ARNT2: variants seen among roughly 807,000 people sequenced by gnomAD.
ARNT2 encodes aryl hydrocarbon receptor nuclear translocator 2, also known as ARNT protein 2.
A neutral mutation model predicts 91.7 loss-of-function variants in ARNT2; 36 were observed. The observed-to-expected ratio is 0.39, with a 90% confidence interval of 0.30 to 0.52. The LOEUF (loss-of-function observed/expected upper bound fraction) is 0.52, where lower values mean the gene tolerates loss of function less well. ARNT2 is among the 20% of genes least tolerant of loss of function. The pLI is 0.72. For missense variants in ARNT2, 775 were observed against 939.3 expected (o/e 0.83, Z 2.29); for synonymous variants, 365 against 347.1 (o/e 1.05, Z -0.57).
chr15:80,582,383 C>T lies in ARNT2; in HGVS notation c.1918+979C>T, dbSNP rs185352175. On this transcript the variant is annotated intron_variant, in intron 17 of 18. Coordinates refer to ENST00000303329, the MANE Select transcript of ARNT2 (RefSeq NM_014862.4). The stretch of plus-strand genomic sequence containing the variant: ...TTGTGGTGCATGCCTGTAATTCCAG[C>T]TACTCAGGAGGCTAAGGTGGGAGGA... Among the ~76,000 whole-genome samples, 447 of 151,344 alleles carry T rather than the reference C, an allele frequency of 3.0e-3. 3 individuals carry two copies. Among genetic ancestry groups the T allele is most frequent in the African/African-American group, 0.01 (428 of 41,282 alleles).
At chr15:80,525,146 A>G (rs763099104) in intron 8 of ARNT2, among the ~76,000 whole-genome samples, 2 of 152,162 alleles carry the variant, frequency 1.3e-5, no homozygotes, top group African/African-American at 2.4e-5. Flanking sequence ...ATCAATCTAA[A>G]TTTTCTAAAG....
intron 1 of ARNT2, among the ~76,000 whole-genome samples, chr15:80,420,455 A>C (rs1895846653): frequency 6.6e-6 from 1 of 152,162 alleles, no homozygotes; most frequent in Non-Finnish European, 1.5e-5. Context: ...TGTTTAAGGT[A>C]GGCTAAGCTA....
At chr15:80,441,065 A>C (rs1896180416) in intron 1 of ARNT2, among the ~76,000 whole-genome samples, 2 of 152,254 alleles carry the variant, frequency 1.3e-5, no homozygotes, top group South Asian at 2.1e-4. Flanking sequence ...TTTGGATAAG[A>C]ATCTAGATTT....
At chr15:80,572,001 G>C (rs1423056573) in intron 12 of ARNT2, among the ~76,000 whole-genome samples, 5 of 152,142 alleles carry the variant, frequency 3.3e-5, no homozygotes. Context: ...TCCATTTATG[G>C]CCACACCTGT....
intron 18 of ARNT2, among the ~76,000 whole-genome samples, chr15:80,593,363 G>A (rs1291008725): frequency 6.6e-6 from 1 of 152,244 alleles, no homozygotes. Flanking sequence ...TAGACAAAGG[G>A]CATGTCCTAA....
chr15:80,427,648 C>T (rs1461521832), intron 1 of ARNT2, among the ~76,000 whole-genome samples: 1 of 152,218 alleles, frequency 6.6e-6, no homozygotes, highest in African/African-American at 2.4e-5. Flanking sequence ...TAGAATCACA[C>T]ACTCTTGAAA....
At chr15:80,448,403 C>T (rs1896336724) in intron 1 of ARNT2, among the ~76,000 whole-genome samples, 1 of 152,210 alleles carries the variant, frequency 6.6e-6, no homozygotes, top group Non-Finnish European at 1.5e-5. Context: ...CCACGCAGGT[C>T]ATCTAATCTC....
Position 80,441,318 on chromosome 15 carries a change from A to G in ARNT2, c.32-9562A>G, listed in dbSNP as rs184093536. On this transcript the variant is annotated intron_variant, in intron 1 of 18. Transcript: ENST00000303329. ...GACATTTCTTCTACACGGATAACAGATTCTCCTAAGAAGGTGTTGGTCACA... is the reference window on the plus strand; with the variant it reads ...GACATTTCTTCTACACGGATAACAGGTTCTCCTAAGAAGGTGTTGGTCACA... 192 of 985,142 alleles carry G rather than the reference A, an allele frequency of 1.9e-4. No homozygotes were observed. The African/African-American group carries it at 3.2e-3, about 16-fold the overall frequency. 61.0% of individuals were successfully genotyped at this position (985,142 alleles called of 1,614,324 possible).
chr15:80,504,420 A>G (rs1034764944), intron 5 of ARNT2, among the ~76,000 whole-genome samples: 4 of 152,214 alleles, frequency 2.6e-5, no homozygotes, highest in Non-Finnish European at 4.4e-5. Context: ...TGTCCGGGCT[A>G]AATGAATATT....
At chr15:80,530,386 G>A (rs1158975237) in intron 8 of ARNT2, among the ~76,000 whole-genome samples, 2 of 152,078 alleles carry the variant, frequency 1.3e-5, no homozygotes, top group African/African-American at 4.8e-5. Flanking sequence ...GGGAGGGAGG[G>A]ATAGAGATCT....
chr15:80,462,245 C>T (rs962238738), intron 3 of ARNT2, among the ~76,000 whole-genome samples: 1 of 152,106 alleles, frequency 6.6e-6, no homozygotes, highest in African/African-American at 2.4e-5. Context: ...CTTCTCATAC[C>T]GGCAGCTGGG....
rs1462748399 is a variant in ARNT2 at position 80,581,275 on chromosome 15, C to A, written c.1789C>A (p.Pro597Thr). The A allele has an allele frequency of 6.2e-7, 1 of 1,614,066 alleles. No individual in the cohort carries two copies. Among genetic ancestry groups the A allele is most frequent in the African/African-American group, 1.3e-5 (1 of 74,914 alleles). Reference sequence around the variant, plus strand: ...TCAGTCCAGCAAGACTCAGTCATCTCCCTTTGGGATTGGAACGAGCCACAC... The same window carrying A: ...TCAGTCCAGCAAGACTCAGTCATCTACCTTTGGGATTGGAACGAGCCACAC... ...PSQSSKTQSS[P>T]FGIGTSHTYP... Residue 597 changes from proline to threonine, a missense_variant, in exon 17 of 19, where the codon CCC becomes ACC. Pro to Thr is a conservative substitution (Grantham distance 38). Transcript: ENST00000303329.
In ARNT2 at chr15:80,552,102, C is replaced by T. The variant is rs368970623; in HGVS notation, c.955-538C>T. On this transcript the variant is annotated intron_variant, in intron 9 of 18. Coordinates refer to ENST00000303329, the MANE Select transcript of ARNT2 (RefSeq NM_014862.4). ...AGACATACTAGACCTGGTTCAGATACACTAATCCCTGGTTTCCTAGTTCTG... is the reference window on the plus strand; with the variant it reads ...AGACATACTAGACCTGGTTCAGATATACTAATCCCTGGTTTCCTAGTTCTG... Among the ~76,000 whole-genome samples, 29 of 152,320 alleles carry T rather than the reference C, an allele frequency of 1.9e-4. 1 individual carries two copies. The highest frequency in any genetic ancestry group is 6.7e-4 in the African/African-American group (28 of 41,574).
chr15:80,428,571 G>A (rs1895964247), intron 1 of ARNT2, among the ~76,000 whole-genome samples: 1 of 152,212 alleles, frequency 6.6e-6, no homozygotes, highest in Non-Finnish European at 1.5e-5. Context: ...CCGAAGGAGG[G>A]CCAAGATCAC....
At chr15:80,547,973 G>GACAATATTACAATATTACAATATT (rs1466206914) in intron 8 of ARNT2, among the ~76,000 whole-genome samples, 36 of 152,228 alleles carry the variant, frequency 2.4e-4, no homozygotes, top group Non-Finnish European at 4.3e-4. Flanking sequence ...ATTACAATAT[G>GACAATATTACAATATTACAATATT]ACAGTATGAA....
chr15:80,551,288 T>G lies in ARNT2; in HGVS notation c.954+13T>G, dbSNP rs943985961. ...TGGGAGACTCCAGGTAAGAAAAAATTCGTAGCCTTTTTAATCTTAAATGAA... is the reference window on the plus strand; with the variant it reads ...TGGGAGACTCCAGGTAAGAAAAAATGCGTAGCCTTTTTAATCTTAAATGAA... On this transcript the variant is annotated intron_variant, in intron 9 of 18. Coordinates refer to ENST00000303329, the MANE Select transcript of ARNT2 (RefSeq NM_014862.4). The G allele has an allele frequency of 1.9e-6, 3 of 1,610,600 alleles. No homozygotes were observed. Among genetic ancestry groups the G allele is most frequent in the Non-Finnish European group, 2.5e-6 (3 of 1,177,056 alleles).
intron 5 of ARNT2, among the ~76,000 whole-genome samples, chr15:80,484,874 G>C (rs77341400): frequency 1.1e-4 from 17 of 152,286 alleles, no homozygotes; most frequent in South Asian, 4.1e-4. Context: ...CCTGTACTTG[G>C]AGTCAGATGA....
intron 8 of ARNT2, among the ~76,000 whole-genome samples, chr15:80,548,894 A>G (rs892351406): frequency 3.3e-5 from 5 of 152,142 alleles, no homozygotes; most frequent in Admixed American, 3.3e-4. Flanking sequence ...TATTTTATGG[A>G]GTCAGATAAG....
At chr15:80,558,165 G>A (rs1174287057) in intron 11 of ARNT2, among the ~76,000 whole-genome samples, 2 of 152,086 alleles carry the variant, frequency 1.3e-5, no homozygotes, top group Non-Finnish European at 2.9e-5. Flanking sequence ...TCTCAGGGAT[G>A]CCCTCTGTGG....
Sources: allele counts gnomAD v4.1 joint callset (sites outside exome capture counted in the v4.1 genomes callset), GRCh38; gene constraint gnomAD v4.1.1; transcripts MANE v1.5; gene names NCBI Gene and HGNC (gene_info 2026-07-23, HGNC 2026-07-21).